APCDD1: variants seen among roughly 807,000 people sequenced by gnomAD.
The protein encoded by APCDD1 is APC down-regulated 1.
Under a neutral mutation model 38.1 loss-of-function variants are expected in APCDD1, and 15 were observed. That is an observed-to-expected ratio of 0.39 (90% CI 0.26 to 0.61). The LOEUF (loss-of-function observed/expected upper bound fraction) is 0.61. Among genes scored for constraint, APCDD1 ranks in the 20% least tolerant of loss-of-function variants. APCDD1 has a pLI of 0.49. For synonymous variants in APCDD1, 261 were observed against 279.7 expected (o/e 0.93, Z 0.67); for missense variants, 647 against 696.2 (o/e 0.93, Z 0.79).
At chr18:10,455,061 G>A in intron 1 of APCDD1, 22 bp downstream of exon 1, 1 of 1,557,374 alleles carries the variant, frequency 6.4e-7, no homozygotes, top group Non-Finnish European at 8.7e-7. Context: ...AGGGCCACTC[G>A]AGCGCTCCCA....
At chr18:10,487,484 A>G in intron 4 of APCDD1, 106 bp from the exon 5 acceptor site, 1 of 1,188,558 alleles carries the variant, frequency 8.4e-7, no homozygotes, top group Non-Finnish European at 1.2e-6. Context: ...TTGTTTTTGG[A>G]AAAGAAAGCC....
rs1023294640 is a variant in APCDD1 at position 10,471,831 on chromosome 18, G to A, written c.544G>A (p.Val182Met). The A allele has an allele frequency of 6.2e-7, 1 of 1,614,044 alleles. No individual in the cohort carries two copies. The highest frequency in any genetic ancestry group is 1.3e-5 in the African/African-American group (1 of 74,940). Residue 182 changes from valine (V) to methionine (M), a missense_variant, in exon 3 of 5, where the codon GTG (valine) becomes ATG (methionine). Coordinates refer to ENST00000355285, the MANE Select transcript of APCDD1 (RefSeq NM_153000.5). The surrounding 1 kb of genome is among the most constrained non-coding windows in gnomAD (Gnocchi z 5.5). ...PGFLADGGPW[V>M]QDVAYDLWRE... Reference sequence around the variant, plus strand: ...CTTCCTCGCAGACGGGGGTCCCTGGGTGCAGGACGTGGCCTATGACCTCTG... The same window carrying A: ...CTTCCTCGCAGACGGGGGTCCCTGGATGCAGGACGTGGCCTATGACCTCTG...
In APCDD1 at chr18:10,475,981, C is replaced by G. The variant is rs985752102; in HGVS notation, c.774+3920C>G. ...CTCAGCCATTGGTGTCTTTCCAGAC[C>G]CGGGCACCAGAAAGACTGGGCACTG... On this transcript the variant is annotated intron_variant, in intron 3 of 4. Coordinates refer to ENST00000355285, the MANE Select transcript of APCDD1 (RefSeq NM_153000.5). The surrounding 1 kb of genome is among the most constrained non-coding windows in gnomAD (Gnocchi z 4.0). 4 of 152,232 alleles carry G rather than the reference C, an allele frequency of 2.6e-5. No homozygotes were observed. The highest frequency in any genetic ancestry group is 5.9e-5 in the Non-Finnish European group (4 of 68,058). 9.4% of individuals were successfully genotyped at this position (152,232 alleles called of 1,614,324 possible).
rs373630381 is a variant in APCDD1 at position 10,463,830 on chromosome 18, C to A, written c.59-4639C>A. 3.9e-5 allele frequency among the ~76,000 whole-genome samples: 6 copies of A among 152,272 alleles called. No homozygotes were observed. The South Asian group carries it at 6.2e-4, about 16-fold the overall frequency. ...AAGATAAAAATGGAATAAATACCAA[C>A]CCCATTTTTCCATCTTAGAAATAGA... On this transcript the variant is annotated intron_variant, in intron 1 of 4. Coordinates refer to ENST00000355285, the MANE Select transcript of APCDD1 (RefSeq NM_153000.5).
intron 3 of APCDD1, among the ~76,000 whole-genome samples, chr18:10,480,183 G>C (rs891309529): frequency 6.6e-6 from 1 of 152,160 alleles, no homozygotes; most frequent in Non-Finnish European, 1.5e-5. Flanking sequence ...TCAAATGAGA[G>C]TCATGTCTTG....
Position 10,470,266 on chromosome 18 carries a change from C to T in APCDD1, c.243-1264C>T, listed in dbSNP as rs888170171. 2.6e-5 allele frequency among the ~76,000 whole-genome samples: 4 copies of T among 152,306 alleles called. No individual in the cohort carries two copies. The highest frequency in any genetic ancestry group is 1.9e-4 in the East Asian group (1 of 5,182). ...ACAAAAGGGATCTTCTTTTCTAAAC[C>T]TCATCTAACATGAATCACTGCTTAC... On this transcript the variant is annotated intron_variant, in intron 2 of 4. Coordinates refer to ENST00000355285, the MANE Select transcript of APCDD1 (RefSeq NM_153000.5). This position sits in a 1 kb window ranked among gnomAD's most constrained non-coding sequence, Gnocchi z 4.1.
intron 1 of APCDD1, among the ~76,000 whole-genome samples, chr18:10,462,520 TCCTGTGACCCTC>T (rs2030580726): frequency 3.1e-5 from 2 of 65,518 alleles, no homozygotes; most frequent in African/African-American, 1.8e-4. Context: ...CTTCCTTCCT[TCCTGTGACCCTC>T]CCTTCCTCCC....
rs747745113 is a variant in APCDD1, at chr18:10,471,824, T to C, written c.537T>C (p.Gly179=). The change falls in exon 3 of 5, where the codon GGT becomes GGC. Residue 179 remains glycine, a synonymous_variant. Coordinates refer to ENST00000355285, the MANE Select transcript of APCDD1 (RefSeq NM_153000.5). The surrounding 1 kb of genome is among the most constrained non-coding windows in gnomAD (Gnocchi z 5.5). ...GCCCGGGCTTCCTCGCAGACGGGGG[T>C]CCCTGGGTGCAGGACGTGGCCTATG... The part of the protein sequence containing the change: ...RTCPGFLADG[G]PWVQDVAYDL... 6.8e-6 allele frequency: 11 copies of C among 1,613,564 alleles called. No homozygotes were observed. In the East Asian group the frequency reaches 2.5e-4, roughly 36 times the overall value.
At position 10,470,649 on chromosome 18, in the gene APCDD1, G is replaced by C. The variant is rs1231614561; in HGVS notation, c.243-881G>C. Among the ~76,000 whole-genome samples, 1 of 152,256 alleles carries C rather than the reference G, an allele frequency of 6.6e-6. No homozygotes were observed. The highest frequency in any genetic ancestry group is 1.5e-5 in the Non-Finnish European group (1 of 68,044). On this transcript the variant is annotated intron_variant, in intron 2 of 4. Transcript: ENST00000355285. The surrounding 1 kb of genome is among the most constrained non-coding windows in gnomAD (Gnocchi z 4.1). ...ATGAGCTGAAAGTCATGGCGTAACT[G>C]AGACTAGGAGCTAACAAAAGGCTAA...
rs912274938 is a variant in APCDD1 at position 10,469,013 on chromosome 18, G to A, written c.242+361G>A. ...GCCTGAAACATGACTTGCAAGCTCCGGATGGTCTAAATATTCTAGCCATAT... is the reference window on the plus strand; with the variant it reads ...GCCTGAAACATGACTTGCAAGCTCCAGATGGTCTAAATATTCTAGCCATAT... On this transcript the variant is annotated intron_variant, in intron 2 of 4. Transcript: ENST00000355285. This position sits in a 1 kb window ranked among gnomAD's most constrained non-coding sequence, Gnocchi z 5.5. 2.0e-5 allele frequency among the ~76,000 whole-genome samples: 3 copies of A among 152,132 alleles called. No individual in the cohort carries two copies. The highest frequency in any genetic ancestry group is 6.6e-5 in the Admixed American group (1 of 15,260).
rs191517134 is a variant in APCDD1 at position 10,485,827 on chromosome 18, G to T, written c.1096+44G>T. On this transcript the variant is annotated intron_variant, in intron 4 of 4. Coordinates refer to ENST00000355285, the MANE Select transcript of APCDD1 (RefSeq NM_153000.5). The surrounding 1 kb of genome is among the most constrained non-coding windows in gnomAD (Gnocchi z 5.8). ...GTCCCAGTATCACAGCCAATAAACAGCCCTGTGACATTTTTGTGGAGGCAG... is the reference window on the plus strand; with the variant it reads ...GTCCCAGTATCACAGCCAATAAACATCCCTGTGACATTTTTGTGGAGGCAG... 2 of 1,594,290 alleles carry T rather than the reference G, an allele frequency of 1.3e-6. No homozygotes were observed. The highest frequency in any genetic ancestry group is 3.4e-5 in the Admixed American group (2 of 59,182).
intron 3 of APCDD1, among the ~76,000 whole-genome samples, chr18:10,473,393 G>T (rs905762099): frequency 6.6e-6 from 1 of 152,210 alleles, no homozygotes; most frequent in Non-Finnish European, 1.5e-5. Context: ...ATTCCTGCCG[G>T]CTCAGGATGC....
chr18:10,483,836 T>C (rs950535256), intron 3 of APCDD1, among the ~76,000 whole-genome samples: 5 of 152,230 alleles, frequency 3.3e-5, no homozygotes, highest in African/African-American at 1.2e-4. Flanking sequence ...CGGCACGTGC[T>C]GCTAGTGGTC....
rs763118188 is a variant in APCDD1, at chr18:10,489,072, G to T, written c.*1034G>T. ...GCAGTGGGCATGGTCTGCCCTGGGG[G>T]CTTGCTCCATTACACCCTGACTTGG... On this transcript the variant is annotated 3_prime_UTR_variant, in exon 5 of 5. Coordinates refer to ENST00000355285, the MANE Select transcript of APCDD1 (RefSeq NM_153000.5). 1 of 152,246 alleles carries T rather than the reference G, an allele frequency of 6.6e-6. No individual in the cohort carries two copies. The highest frequency in any genetic ancestry group is 1.5e-5 in the Non-Finnish European group (1 of 68,096). The allele number at this position is 152,246 out of a possible 1,614,324, so 9.4% of individuals were successfully genotyped here.
chr18:10,459,126 T>A (rs921855177), intron 1 of APCDD1, among the ~76,000 whole-genome samples: 2 of 152,210 alleles, frequency 1.3e-5, no homozygotes, highest in East Asian at 3.8e-4. Flanking sequence ...TATGAGGGCC[T>A]ACTATGTGCC....
At chr18:10,483,358 G>C (rs111404599) in intron 3 of APCDD1, among the ~76,000 whole-genome samples, 3 of 152,342 alleles carry the variant, frequency 2.0e-5, no homozygotes, top group African/African-American at 7.2e-5. Context: ...AAAAATGCAC[G>C]TAGAGCTTGG....
At chr18:10,486,671 T>C (rs2031255428) in intron 4 of APCDD1, among the ~76,000 whole-genome samples, 1 of 148,864 alleles carries the variant, frequency 6.7e-6, no homozygotes, top group South Asian at 2.1e-4. Flanking sequence ...AAAGCAGGGC[T>C]TGTGGTTGCT....
chr18:10,465,202 GC>G (rs976052760), intron 1 of APCDD1, among the ~76,000 whole-genome samples: 1 of 152,134 alleles, frequency 6.6e-6, no homozygotes, highest in Non-Finnish European at 1.5e-5. Context: ...ATCAGTGGGG[GC>G]CCCAGTCTCC....
At chr18:10,464,655 A>G (rs1249695935) in intron 1 of APCDD1, among the ~76,000 whole-genome samples, 1 of 152,188 alleles carries the variant, frequency 6.6e-6, no homozygotes, top group Non-Finnish European at 1.5e-5. Context: ...TCCTAGCTTC[A>G]AGCTGTCCTT....
Sources: gnomAD v4.1 joint callset for allele counts (sites outside exome capture counted in the v4.1 genomes callset) on GRCh38, gnomAD v4.1.1 for gene constraint, Gnocchi (gnomAD v3.1) non-coding constraint, MANE v1.5 for transcripts, NCBI Gene and HGNC (gene_info 2026-07-23, HGNC 2026-07-21) for gene names.